Variants in CEP83 observed in about 807,000 individuals in gnomAD.
CEP83 encodes the protein centrosomal protein 83.
CEP83 carries 70 observed loss-of-function variants against 101.9 expected under a neutral mutation model. The observed-to-expected ratio is 0.69, with a 90% CI of 0.57 to 0.84. The LOEUF is 0.84. Ranked by LOEUF, CEP83 falls within the 40% of genes least tolerant of loss-of-function variation. CEP83 has a pLI of 0.00. For missense variants in CEP83, 715 were observed against 787.2 expected, an observed-to-expected ratio of 0.91 and a Z score of 1.10; for synonymous variants, 264 against 267.9, an observed-to-expected ratio of 0.99 and a Z score of 0.14.
chr12:94,436,032 G>A (rs561933446), intron 1 of CEP83, among the ~76,000 whole-genome samples: 104 of 151,990 alleles, frequency 6.8e-4, no homozygotes, highest in African/African-American at 2.5e-3. Context: ...AGGGGAAGGG[G>A]GTGACTCCAC....
At chr12:94,292,041 G>C in the CEP83 span, among the ~76,000 whole-genome samples, 1 of 152,168 alleles carries the variant, frequency 6.6e-6, no homozygotes, top group Admixed American at 6.5e-5. Context: ...CCATGCTGTA[G>C]CATGTATCGG....
chr12:94,435,445 C>A (rs1039022229), intron 1 of CEP83, 118 bp from the exon 2 acceptor site: 2 of 152,052 alleles, frequency 1.3e-5, no homozygotes, highest in Non-Finnish European at 2.9e-5. Flanking sequence ...GCATGACTGT[C>A]CACAAAAAAA....
intron 6 of CEP83, among the ~76,000 whole-genome samples, chr12:94,392,902 T>A (rs142024148): frequency 6.6e-6 from 1 of 152,024 alleles, no homozygotes; most frequent in Non-Finnish European, 1.5e-5. Context: ...CCTGGACAAA[T>A]ACACCCTCCC....
chr12:94,449,705 T>G (rs1007011090), intron 1 of CEP83, among the ~76,000 whole-genome samples: 1 of 144,196 alleles, frequency 6.9e-6, no homozygotes, highest in Admixed American at 7.4e-5. Flanking sequence ...CCCAGGAGTT[T>G]GAGGCTGCAG....
the CEP83 span, among the ~76,000 whole-genome samples, chr12:94,284,837 G>T: frequency 6.6e-6 from 1 of 152,220 alleles, no homozygotes; most frequent in African/African-American, 2.4e-5. Context: ...CTTATCCCAA[G>T]AACAGTGGGA....
At chr12:94,322,276 G>C (rs1364744044) in intron 14 of CEP83, among the ~76,000 whole-genome samples, 1 of 152,200 alleles carries the variant, frequency 6.6e-6, no homozygotes, top group Non-Finnish European at 1.5e-5. Flanking sequence ...AACAGCAGAA[G>C]TGGTGGTCCA....
At chr12:94,366,598 A>G (rs2061039662) in intron 11 of CEP83, among the ~76,000 whole-genome samples, 1 of 152,198 alleles carries the variant, frequency 6.6e-6, no homozygotes. Flanking sequence ...GGAAATATCA[A>G]TGTAAACTCA....
chr12:94,305,619 G>A (rs916048032), downstream of CEP83: 6 of 213,594 alleles, frequency 2.8e-5, no homozygotes, highest in African/African-American at 1.4e-4. Flanking sequence ...GGTTTTGTTT[G>A]AAAACTACAG....
rs528945792 is a variant in CEP83 at position 94,395,334 on chromosome 12, TA to T, written c.549+5515del. 8.2e-4 allele frequency among the ~76,000 whole-genome samples: 120 copies of T among 145,508 alleles called. No homozygotes were observed. In the South Asian group the frequency reaches 0.02, roughly 25 times the overall value. On this transcript the variant is annotated intron_variant, in intron 6 of 16. Transcript: ENST00000397809. ...ATGTACCCTAGAACTTAAAGTATAA[TA>T]AAAAAAAATCAGACATATGAAAAAG...
chr12:94,313,527 TAAAAAAA>T (rs58864740), intron 14 of CEP83, among the ~76,000 whole-genome samples: 1 of 95,720 alleles, frequency 1.0e-5, no homozygotes, highest in East Asian at 2.9e-4. Flanking sequence ...AAGAACCCAT[TAAAAAAA>T]AAAAAAAAAA....
chr12:94,440,863 C>T (rs1173764617), intron 1 of CEP83, among the ~76,000 whole-genome samples: 1 of 152,054 alleles, frequency 6.6e-6, no homozygotes, highest in Non-Finnish European at 1.5e-5. Flanking sequence ...ACAGAGAACC[C>T]AGAAACAAAG....
chr12:94,428,671 T>TCAAGACA (rs2065389868), intron 2 of CEP83, among the ~76,000 whole-genome samples: 1 of 152,200 alleles, frequency 6.6e-6, no homozygotes, highest in Admixed American at 6.5e-5. Context: ...AAAGCCATCC[T>TCAAGACA]CAAGACACAC....
At chr12:94,458,022 C>T (rs1239728562) in intron 1 of CEP83, among the ~76,000 whole-genome samples, 9 of 151,820 alleles carry the variant, frequency 5.9e-5, no homozygotes, top group Non-Finnish European at 1.0e-4. Context: ...TATGGTGAAA[C>T]CCCATCTCTA....
the CEP83 span, among the ~76,000 whole-genome samples, chr12:94,293,533 CCCT>C: frequency 6.6e-6 from 1 of 152,208 alleles, no homozygotes; most frequent in Admixed American, 6.5e-5. Context: ...TCGGTGAGGA[CCCT>C]CCTCCTGGTT....
chr12:94,409,423 A>G (rs957541499), intron 4 of CEP83, among the ~76,000 whole-genome samples: 3 of 152,108 alleles, frequency 2.0e-5, no homozygotes, highest in African/African-American at 7.2e-5. Flanking sequence ...CAGGGAGGCT[A>G]TAGGGTAGAT....
intron 1 of CEP83, among the ~76,000 whole-genome samples, chr12:94,440,621 A>C (rs2066332042): frequency 6.6e-6 from 1 of 152,160 alleles, no homozygotes; most frequent in South Asian, 2.1e-4. Flanking sequence ...TGCCAAGAGC[A>C]ATCTACAAAT....
chr12:94,338,949 T>C (rs1315440362), intron 11 of CEP83, among the ~76,000 whole-genome samples: 1 of 151,988 alleles, frequency 6.6e-6, no homozygotes, highest in East Asian at 1.9e-4. Context: ...TATACTGATA[T>C]ATACTATTTC....
rs758967408 is a variant in CEP83, at chr12:94,310,105, T to C, written c.1814A>G (p.Gln605Arg). ...TGTATAGTCTTCAAAAGGAACATTT[T>C]GTCTTAAAAAGAAAAAGAAATGTTT... ...LETENQVLNR[Q>R]NVPFEDYTRL... The change falls in exon 16 of 17, where the codon CAA becomes CGA. Residue 605 changes from glutamine to arginine, a missense_variant and splice_region_variant. By Grantham distance (43) the Gln-to-Arg change is conservative. Coordinates refer to ENST00000397809, the MANE Select transcript of CEP83 (RefSeq NM_016122.3). 6.6e-7 allele frequency: 1 copy of C among 1,517,550 alleles called. No individual in the cohort carries two copies. The highest frequency in any genetic ancestry group is 1.2e-5 in the South Asian group (1 of 84,988). 94.0% of individuals were successfully genotyped at this position (1,517,550 alleles called of 1,614,324 possible). A position where few individuals can be genotyped will look rare whatever the true frequency, so the allele number is the denominator to read the frequency against.
At chr12:94,318,649 T>C (rs1971105216) in intron 14 of CEP83, among the ~76,000 whole-genome samples, 1 of 152,208 alleles carries the variant, frequency 6.6e-6, no homozygotes, top group African/African-American at 2.4e-5. Flanking sequence ...CAAAAGCCTT[T>C]TCTACATCTA....
Sources: gnomAD v4.1 joint callset for allele counts (sites outside exome capture counted in the v4.1 genomes callset) on GRCh38, gnomAD v4.1.1 for gene constraint, MANE v1.5 for transcripts, NCBI Gene and HGNC (gene_info 2026-07-23, HGNC 2026-07-21) for gene names.